The following HEATR1 variants were observed in gnomAD, a reference collection of about 807,000 sequenced individuals.
The protein encoded by HEATR1 is HEAT repeat containing 1, also known as HEAT repeat-containing protein 1.
Under a neutral mutation model 248.2 loss-of-function variants are expected in HEATR1, and 77 were observed. That is an observed-to-expected ratio of 0.31 (90% CI 0.26 to 0.37). The LOEUF is 0.37. HEATR1 is among the 10% of genes least tolerant of loss of function. HEATR1 has a pLI of 1.00. For missense variants in HEATR1, 2,420 were observed against 2,504.9 expected, an observed-to-expected ratio of 0.97 and a Z score of 0.72; for synonymous variants, 897 against 923.1, an observed-to-expected ratio of 0.97 and a Z score of 0.51.
chr1:236,556,608 A>G (rs543422371), intron 37 of HEATR1, among the ~76,000 whole-genome samples: 1 of 152,310 alleles, frequency 6.6e-6, no homozygotes, highest in African/African-American at 2.4e-5. Context: ...TTTCTCTGAG[A>G]AGGCTACTTT....
At chr1:236,592,191 C>A in intron 10 of HEATR1, 81 bp from the exon 11 acceptor site, 1 of 763,486 alleles carries the variant, frequency 1.3e-6, no homozygotes, top group South Asian at 2.2e-5. Context: ...AAAGGAAAGA[C>A]ATAAAATCTT....
Position 236,558,467 on chromosome 1 carries a change from T to G in HEATR1, c.4974A>C (p.Glu1658Asp), listed in dbSNP as rs757143929. ...TGTTGATTGCTTGTTCTTCTTCCCC[T>G]TCCTTTTTCTTACGCTGCACAATGG... ...LLAIVQRKKKEGEEEQAINRQ... is the reference protein window; with the variant it reads ...LLAIVQRKKKDGEEEQAINRQ... The change falls in exon 36 of 45, where the codon GAA becomes GAC. Residue 1658 changes from glutamate to aspartate, a missense_variant. By Grantham distance (45) the Glu-to-Asp change is conservative. Transcript: ENST00000366582. The G allele has an allele frequency of 1.5e-5, 24 of 1,614,226 alleles. No individual in the cohort carries two copies. Among genetic ancestry groups the G allele is most frequent in the Non-Finnish European group, 1.9e-5 (23 of 1,180,028 alleles).
intron 10 of HEATR1, 125 bp from the exon 11 acceptor site, chr1:236,592,235 A>T (rs1572051601): frequency 1.7e-6 from 1 of 600,250 alleles, no homozygotes; most frequent in East Asian, 2.8e-5. Flanking sequence ...AAATTTTAAC[A>T]AATGTTGTAG....
At chr1:236,562,757 G>C (rs113473335) in intron 32 of HEATR1, among the ~76,000 whole-genome samples, 30 of 692 alleles carry the variant, frequency 0.043, no homozygotes, top group Admixed American at 0.28. Context: ...TAAACACAGT[G>C]TCTCTCTATT....
chr1:236,604,270 G>C, intron 1 of HEATR1, 143 bp from the exon 2 acceptor site: 3 of 574,328 alleles, frequency 5.2e-6, no homozygotes, highest in South Asian at 6.2e-5. Flanking sequence ...ATGCAAAGAC[G>C]ATGGCAGCAG....
At position 236,564,575 on chromosome 1, in the gene HEATR1, T is replaced by G. The variant is rs184859593; in HGVS notation, c.4522A>C (p.Lys1508Gln). The G allele has an allele frequency of 6.9e-5, 112 of 1,614,002 alleles. No homozygotes were observed. The highest frequency in any genetic ancestry group is 2.3e-4 in the Admixed American group (14 of 60,022). ...AAAAATTTAAAATGCCGCAGTTGCT[T>G]GCTAGTGTGAGTCTCTACATTAAAA... Reference protein sequence around the residue: ...QVFNVETHTSKQLRHFKFLSV... With the variant: ...QVFNVETHTSQQLRHFKFLSV... Residue 1508 changes from lysine to glutamine, a missense_variant, in exon 32 of 45, where the codon AAG becomes CAG. Transcript: ENST00000366582.
At chr1:236,558,648 C>T in intron 35 of HEATR1, 119 bp from the exon 36 acceptor site, 1 of 962,304 alleles carries the variant, frequency 1.0e-6, no homozygotes, top group East Asian at 2.6e-5. Context: ...TCCTGAGTCA[C>T]ACAGTCATGC....
At chr1:236,572,313 T>C in intron 26 of HEATR1, 98 bp downstream of exon 26, 2 of 1,327,480 alleles carry the variant, frequency 1.5e-6, no homozygotes, top group Non-Finnish European at 2.1e-6. Context: ...TTACAGACTA[T>C]CTAAACAAGA....
At chr1:236,601,131 A>G (rs1326609758) in intron 3 of HEATR1, among the ~76,000 whole-genome samples, 1 of 152,176 alleles carries the variant, frequency 6.6e-6, no homozygotes, top group Non-Finnish European at 1.5e-5. Context: ...AGACTTTTAA[A>G]TATTCTTTGT....
At chr1:236,574,082 TG>T (rs532589478) in intron 24 of HEATR1, 119 bp downstream of exon 24, 193 of 766,708 alleles carry the variant, frequency 2.5e-4, no homozygotes, top group African/African-American at 1.9e-3. Flanking sequence ...CCATGATTTT[TG>T]TTAATGGTAA....
intron 24 of HEATR1, among the ~76,000 whole-genome samples, chr1:236,573,302 A>G (rs530405817): frequency 1.0e-3 from 155 of 152,332 alleles, no homozygotes; most frequent in African/African-American, 3.6e-3. Flanking sequence ...TCAGATATGT[A>G]TATTCTAATC....
At position 236,572,353 on chromosome 1, in the gene HEATR1, T is replaced by C. The variant is rs1371264627; in HGVS notation, c.3707+58A>G. 25 of 1,539,296 alleles carry C rather than the reference T, an allele frequency of 1.6e-5. No homozygotes were observed. In the Admixed American group the frequency reaches 4.4e-4, roughly 27 times the overall value. ...AGTATGTTGAAAAGAGAATGTTAGATAAGATGGGCAAGAATTAGAGTCCTA... is the reference window on the plus strand; with the variant it reads ...AGTATGTTGAAAAGAGAATGTTAGACAAGATGGGCAAGAATTAGAGTCCTA... On this transcript the variant is annotated intron_variant, in intron 26 of 44. Transcript: ENST00000366582.
rs1028884103 is a variant in HEATR1 at position 236,597,786 on chromosome 1, C to T, written c.603+92G>A. 1.6e-5 allele frequency: 12 copies of T among 759,126 alleles called. 1 individual carries two copies. The highest frequency in any genetic ancestry group is 4.0e-5 in the South Asian group (2 of 50,154). The allele number at this position is 759,126 out of a possible 1,614,324, so 47.0% of individuals were successfully genotyped here. ...AACAAAATAAATTTATCCAAAGTATCATTGTTATTAGGGAATGTTTTAGTA... is the reference window on the plus strand; with the variant it reads ...AACAAAATAAATTTATCCAAAGTATTATTGTTATTAGGGAATGTTTTAGTA... On this transcript the variant is annotated intron_variant, in intron 5 of 44. Coordinates refer to ENST00000366582, the MANE Select transcript of HEATR1 (RefSeq NM_018072.6).
At position 236,555,617 on chromosome 1, in the gene HEATR1, G is replaced by C. The variant is rs201515471; in HGVS notation, c.5688C>G (p.Ile1896Met). 3.7e-6 allele frequency: 6 copies of C among 1,614,224 alleles called. No homozygotes were observed. The highest frequency in any genetic ancestry group is 4.2e-6 in the Non-Finnish European group (5 of 1,180,046). Residue 1896 changes from isoleucine (I) to methionine (M), a missense_variant, in exon 40 of 45, where the codon ATC becomes ATG. Transcript: ENST00000366582. ...CAACCATGGCTACTAGACAGTCAAT[G>C]ATACAATTTTCCGTTTTTCCAACTT... Reference protein sequence around the residue: ...LEEVGKTENCIIDCLVAMVVK... With the variant: ...LEEVGKTENCMIDCLVAMVVK...
intron 17 of HEATR1, among the ~76,000 whole-genome samples, chr1:236,583,750 A>G (rs940024753): frequency 6.6e-6 from 1 of 152,042 alleles, no homozygotes; most frequent in African/African-American, 2.4e-5. Context: ...GCCTCCCAAA[A>G]TGCTGGGATT....
At chr1:236,553,819 A>G in intron 42 of HEATR1, 80 bp from the exon 43 acceptor site, 1 of 1,419,646 alleles carries the variant, frequency 7.0e-7, no homozygotes, top group Non-Finnish European at 9.6e-7. Flanking sequence ...ACATACAAAT[A>G]TTTTACTATC....
Position 236,602,996 on chromosome 1 carries a change from G to T in HEATR1, c.359+164C>A, listed in dbSNP as rs6695122. 2.0e-3 allele frequency: 1,166 copies of T among 597,400 alleles called. 14 individuals carry two copies. Among genetic ancestry groups the T allele is most frequent in the African/African-American group, 0.019 (1,033 of 53,862 alleles). The allele number at this position is 597,400 out of a possible 1,614,324, so 37.0% of individuals were successfully genotyped here. A position where few individuals can be genotyped will look rare whatever the true frequency, so the allele number is the denominator to read the frequency against. On this transcript the variant is annotated intron_variant, in intron 3 of 44. Transcript: ENST00000366582. ...TCTACTTTTCACTATCAACAAAAAA[G>T]AATTTAAAGGCAGAAGAGCATGCTT...
chr1:236,598,355 T>C (rs1308059817), intron 4 of HEATR1, among the ~76,000 whole-genome samples: 1 of 152,164 alleles, frequency 6.6e-6, no homozygotes, highest in Non-Finnish European at 1.5e-5. Context: ...AGAAATAGAC[T>C]AGGAAACTGC....
chr1:236,603,446 A>G, intron 2 of HEATR1, 70 bp from the exon 3 acceptor site: 1 of 1,216,636 alleles, frequency 8.2e-7, no homozygotes, highest in Non-Finnish European at 1.2e-6. Flanking sequence ...CCTCTTTTAC[A>G]GTTTTACTTA....
Sources: gnomAD v4.1 joint callset for allele counts (sites outside exome capture counted in the v4.1 genomes callset) on GRCh38, gnomAD v4.1.1 for gene constraint, MANE v1.5 for transcripts, NCBI Gene and HGNC (gene_info 2026-07-23, HGNC 2026-07-21) for gene names.